Variants in NEDD4L observed in about 807,000 individuals in gnomAD.
NEDD4L encodes the protein E3 ubiquitin-protein ligase NEDD4-like.
Under a neutral mutation model 148.9 loss-of-function variants are expected in NEDD4L, and 54 were observed. The observed-to-expected ratio is 0.36, with a 90% CI of 0.29 to 0.45. The LOEUF is 0.45. Ranked by LOEUF, NEDD4L falls within the 20% of genes least tolerant of loss-of-function variation. The pLI is 1.00. For missense variants in NEDD4L, 856 were observed against 1,233.8 expected (o/e 0.69, Z 4.59); for synonymous variants, 433 against 440.7 (o/e 0.98, Z 0.22).
In NEDD4L at chr18:58,061,593, C is replaced by T. The variant is rs75621733; in HGVS notation, c.48+16885C>T. ...ATCGATTTTTTTCAATCCTGAAGGA[C>T]TTGCAGCAGGTAGTTCAAAGAAACC... On this transcript the variant is annotated intron_variant, in intron 1 of 30. Transcript: ENST00000400345. Among the ~76,000 whole-genome samples the T allele has an allele frequency of 7.1e-3, 1,076 of 152,048 alleles. 11 individuals are homozygous for T. The highest frequency in any genetic ancestry group is 0.019 in the South Asian group (92 of 4,798).
chr18:58,269,089 T>C (rs529189251), intron 5 of NEDD4L, among the ~76,000 whole-genome samples: 1 of 152,146 alleles, frequency 6.6e-6, no homozygotes, highest in Non-Finnish European at 1.5e-5. Flanking sequence ...TCCAATCTTC[T>C]GTCAGTGGCC....
chr18:58,123,591 G>T (rs2030412642), intron 1 of NEDD4L, among the ~76,000 whole-genome samples: 1 of 152,098 alleles, frequency 6.6e-6, no homozygotes, highest in African/African-American at 2.4e-5. Flanking sequence ...CTGCCAACTG[G>T]ACTTGCATCT....
intron 5 of NEDD4L, among the ~76,000 whole-genome samples, chr18:58,313,378 G>A (rs539228165): frequency 1.3e-5 from 2 of 152,300 alleles, no homozygotes; most frequent in African/African-American, 4.8e-5. Context: ...GGAAAGGAAC[G>A]GTTGGAGTAG....
intron 9 of NEDD4L, among the ~76,000 whole-genome samples, chr18:58,328,399 G>A (rs1568714280): frequency 6.6e-6 from 1 of 152,168 alleles, no homozygotes; most frequent in East Asian, 1.9e-4. Flanking sequence ...GATGTTATTA[G>A]GATTTTTAAA....
At chr18:58,145,991 C>T (rs947362898) in intron 1 of NEDD4L, among the ~76,000 whole-genome samples, 2 of 152,202 alleles carry the variant, frequency 1.3e-5, no homozygotes, top group African/African-American at 2.4e-5. Flanking sequence ...CTTGGGGCCA[C>T]ATACTGGCTT....
At chr18:58,371,203 A>T (rs1313598176) in intron 23 of NEDD4L, among the ~76,000 whole-genome samples, 4 of 92,984 alleles carry the variant, frequency 4.3e-5, no homozygotes, top group African/African-American at 1.5e-4. Context: ...TGCCTGGCTA[A>T]TTTTTTTTTT....
At chr18:58,153,932 T>TCA (rs1409041640) in intron 1 of NEDD4L, among the ~76,000 whole-genome samples, 3 of 152,146 alleles carry the variant, frequency 2.0e-5, no homozygotes, top group Non-Finnish European at 4.4e-5. Context: ...CAGGCGTGAG[T>TCA]CACCGCACCC....
chr18:58,107,895 T>G (rs1458843734), intron 1 of NEDD4L, among the ~76,000 whole-genome samples: 1 of 152,100 alleles, frequency 6.6e-6, no homozygotes, highest in South Asian at 2.1e-4. Context: ...TTTTTTTGTA[T>G]TTTTAGTAAA....
intron 9 of NEDD4L, 43 bp downstream of exon 9, chr18:58,325,205 C>T: frequency 6.2e-7 from 1 of 1,604,832 alleles, no homozygotes; most frequent in Admixed American, 1.7e-5. Flanking sequence ...ACGTGCACTG[C>T]ACAGCTAGGG....
intron 2 of NEDD4L, among the ~76,000 whole-genome samples, chr18:58,238,534 G>T (rs2046283365): frequency 6.6e-6 from 1 of 152,122 alleles, no homozygotes. Context: ...AGCCTAACAT[G>T]ATTTTAGGGG....
intron 1 of NEDD4L, among the ~76,000 whole-genome samples, chr18:58,099,273 G>T (rs1164517306): frequency 6.6e-6 from 1 of 151,946 alleles, no homozygotes; most frequent in Non-Finnish European, 1.5e-5. Flanking sequence ...TGAAGTCCTG[G>T]GCTCAAGCAA....
At chr18:58,089,126 ATTTTTTTTTT>A (rs570623396) in intron 1 of NEDD4L, among the ~76,000 whole-genome samples, 2,308 of 101,066 alleles carry the variant, frequency 0.023, 74 homozygotes, top group African/African-American at 0.081. Flanking sequence ...TTATTTCATA[ATTTTTTTTTT>A]TTTTTTTTTT....
intron 2 of NEDD4L, among the ~76,000 whole-genome samples, chr18:58,229,417 A>G (rs536213539): frequency 6.6e-6 from 1 of 152,252 alleles, no homozygotes; most frequent in Admixed American, 6.5e-5. Flanking sequence ...GCACTCTCAC[A>G]TTGCCTGCGG....
Position 58,155,845 on chromosome 18 carries a change from T to G in NEDD4L, c.49-9943T>G, listed in dbSNP as rs78300525. On this transcript the variant is annotated intron_variant, in intron 1 of 30. Transcript: ENST00000400345. ...GCGTTGCTTTGGGAGTCTCTAGACA[T>G]GATCAGTTGCACATGGACTGTTCTC... 9.3e-4 allele frequency among the ~76,000 whole-genome samples: 142 copies of G among 152,306 alleles called. 1 individual carries two copies. In the East Asian group the frequency reaches 0.025, roughly 27 times the overall value.
intron 25 of NEDD4L, among the ~76,000 whole-genome samples, chr18:58,384,196 T>G (rs2048709862): frequency 6.6e-6 from 1 of 152,248 alleles, no homozygotes. Flanking sequence ...TCTTAGCACC[T>G]TTCAGTGTGA....
Position 58,385,356 on chromosome 18 carries a change from C to T in NEDD4L, c.2427-170C>T, listed in dbSNP as rs541786234. On this transcript the variant is annotated intron_variant, in intron 25 of 30. Coordinates refer to ENST00000400345, the MANE Select transcript of NEDD4L (RefSeq NM_001144967.3). ...GATTTTAGGTTTTTCACGGGTGTTC[C>T]AGGGAGTCTTGAAAGAAGCCATGAA... Among the ~76,000 whole-genome samples the T allele has an allele frequency of 2.9e-4, 44 of 152,206 alleles. No individual in the cohort carries two copies. The South Asian group carries it at 8.7e-3, about 30-fold the overall frequency.
intron 1 of NEDD4L, among the ~76,000 whole-genome samples, chr18:58,089,481 G>A (rs970340080): frequency 7.9e-5 from 12 of 152,242 alleles, no homozygotes; most frequent in Admixed American, 7.2e-4. Flanking sequence ...GCTGGGGCAC[G>A]TATAACTAAT....
intron 2 of NEDD4L, among the ~76,000 whole-genome samples, chr18:58,227,505 C>T (rs774302774): frequency 3.3e-5 from 5 of 152,140 alleles, no homozygotes; most frequent in Admixed American, 6.5e-5. Context: ...AAATGGAATT[C>T]GCTGGGTGAT....
At chr18:58,125,157 A>G (rs1177675955) in intron 1 of NEDD4L, among the ~76,000 whole-genome samples, 2 of 152,188 alleles carry the variant, frequency 1.3e-5, no homozygotes, top group Admixed American at 6.5e-5. Flanking sequence ...ACTTTGACTT[A>G]TAGATTGTGG....
Sources: gnomAD v4.1 joint callset for allele counts (sites outside exome capture counted in the v4.1 genomes callset) on GRCh38, gnomAD v4.1.1 for gene constraint, MANE v1.5 for transcripts, NCBI Gene and HGNC (gene_info 2026-07-23, HGNC 2026-07-21) for gene names.